The following GLDC variants were observed in gnomAD, a reference collection of about 807,000 sequenced individuals.
GLDC encodes glycine dehydrogenase (decarboxylating), mitochondrial.
In GLDC, 104 loss-of-function variants were observed where a neutral mutation model predicts 121.3. That is an observed-to-expected ratio of 0.86 (90% CI 0.73 to 1.01). The LOEUF (loss-of-function observed/expected upper bound fraction) is 1.01, where lower values mean the gene tolerates loss of function less well. GLDC is among the 50% of genes least tolerant of loss of function. The probability of loss-of-function intolerance (pLI) is 0.00; values close to 1 mark genes in which losing one functional copy is unlikely to be tolerated. For synonymous variants in GLDC, 546 were observed against 480.6 expected, an observed-to-expected ratio of 1.14 and a Z score of -1.78; for missense variants, 1,429 against 1,306.6, an observed-to-expected ratio of 1.09 and a Z score of -1.44.
At chr9:6,566,237 C>T (rs1338945249) in intron 15 of GLDC, among the ~76,000 whole-genome samples, 5 of 152,096 alleles carry the variant, frequency 3.3e-5, no homozygotes, top group Admixed American at 6.5e-5. Flanking sequence ...AGTGAGATCC[C>T]GTCTCAAAAA....
Position 6,603,455 on chromosome 9 carries a change from T to G in GLDC, c.1058+1133A>C, listed in dbSNP as rs181967547. 2.3e-3 allele frequency among the ~76,000 whole-genome samples: 337 copies of G among 149,754 alleles called. 3 individuals are homozygous for G. The highest frequency in any genetic ancestry group is 5.1e-3 in the Admixed American group (77 of 14,996). The stretch of plus-strand genomic sequence containing the variant: ...TGAAACCCTGTTTTTACAAAAAATT[T>G]AAAAAATTAGTTGGACACAGTGGCC... On this transcript the variant is annotated intron_variant, in intron 7 of 24. Transcript: ENST00000321612.
At chr9:6,605,352 G>C in intron 5 of GLDC, 74 bp from the exon 6 acceptor site, 1 of 1,487,024 alleles carries the variant, frequency 6.7e-7, no homozygotes, top group Non-Finnish European at 9.3e-7. Flanking sequence ...TTCTTTTCCA[G>C]TAAGACAGCA....
At chr9:6,639,677 A>G (rs537996862) in intron 2 of GLDC, 3 of 253,278 alleles carry the variant, frequency 1.2e-5, no homozygotes, top group Non-Finnish European at 2.1e-5. Context: ...AAGTATATAT[A>G]TATATATATA....
intron 15 of GLDC, among the ~76,000 whole-genome samples, chr9:6,577,889 G>C (rs1357343673): frequency 6.6e-6 from 1 of 150,918 alleles, no homozygotes; most frequent in African/African-American, 2.4e-5. Context: ...TTTCTCTGTT[G>C]TTTTAGGGTG....
chr9:6,532,816 C>G lies in GLDC; in HGVS notation c.*201G>C. The stretch of plus-strand genomic sequence containing the variant: ...AACTGGCACATGTGGAAGCAGAATA[C>G]CAAAGCAAATCCGTCTTCCAACCAT... On this transcript the variant is annotated 3_prime_UTR_variant, in exon 25 of 25. Transcript: ENST00000321612. 1.7e-6 allele frequency: 1 copy of G among 588,986 alleles called. No homozygotes were observed. Among genetic ancestry groups the G allele is most frequent in the Non-Finnish European group, 3.1e-6 (1 of 327,670 alleles). 36.5% of individuals were successfully genotyped at this position (588,986 alleles called of 1,614,324 possible).
chr9:6,555,325 C>A (rs752542612), intron 18 of GLDC, among the ~76,000 whole-genome samples: 32 of 152,176 alleles, frequency 2.1e-4, no homozygotes, highest in Non-Finnish European at 4.0e-4. Flanking sequence ...GGCATGCCAT[C>A]CCACTAGCCT....
At chr9:6,565,718 T>C (rs1170835060) in intron 15 of GLDC, 2 of 581,060 alleles carry the variant, frequency 3.4e-6, no homozygotes, top group Non-Finnish European at 6.1e-6. Context: ...TAGCCTTTTG[T>C]TATTATGAAA....
intron 8 of GLDC, among the ~76,000 whole-genome samples, chr9:6,596,649 T>C (rs542102628): frequency 2.0e-5 from 3 of 152,306 alleles, no homozygotes; most frequent in East Asian, 1.9e-4. Context: ...ATGCTCAAAA[T>C]CATTAGTTAT....
At chr9:6,567,488 T>C (rs1817876486) in intron 15 of GLDC, 1 of 152,234 alleles carries the variant, frequency 6.6e-6, no homozygotes, top group Admixed American at 6.5e-5. Context: ...CAAGGTCAAA[T>C]GCTTCTCAGC....
chr9:6,604,650 T>C lies in GLDC; in HGVS notation c.996A>G (p.Ala332=), dbSNP rs779908580. 1 of 1,613,896 alleles carries C rather than the reference T, an allele frequency of 6.2e-7. No individual in the cohort carries two copies. Among genetic ancestry groups the C allele is most frequent in the Non-Finnish European group, 8.5e-7 (1 of 1,180,008 alleles). Residue 332 remains alanine, a synonymous_variant, in exon 7 of 25, where the codon GCA becomes GCG. Coordinates refer to ENST00000321612, the MANE Select transcript of GLDC (RefSeq NM_000170.3). ...VPLGYGGPHA[A]FFAVRESLVR... is the part of the protein sequence containing the mutation. ...CCAAGCTTTCTCGGACAGCAAAAAA[T>C]GCTGCATGGGGTCCCCCATAGCCCA...
intron 4 of GLDC, among the ~76,000 whole-genome samples, chr9:6,607,307 G>C (rs1159278272): frequency 1.3e-5 from 2 of 152,100 alleles, no homozygotes; most frequent in Admixed American, 6.5e-5. Flanking sequence ...AACTGGACAG[G>C]TGCGGTGGCT....
intron 6 of GLDC, 40 bp from the exon 7 acceptor site, chr9:6,604,824 T>C (rs1057356182): frequency 6.6e-7 from 1 of 1,521,454 alleles, no homozygotes; most frequent in Non-Finnish European, 9.1e-7. Context: ...GGTTGCTACC[T>C]TTCCCTGAGA....
In GLDC at chr9:6,540,142, A is replaced by G. The variant is rs386833564; in HGVS notation, c.2574T>C (p.Tyr858=). The change falls in exon 22 of 25, where the codon TAT becomes TAC. Residue 858 remains tyrosine (Y), a synonymous_variant. Coordinates refer to ENST00000321612, the MANE Select transcript of GLDC (RefSeq NM_000170.3). ...YRILFRGARG[Y]VGHEFILDTR... ...TGTCCAAAATAAATTCATGACCCAC[A>G]TAACCTGTTCAGGAAAGTTGTTTCA... The G allele has an allele frequency of 5.0e-6, 8 of 1,604,952 alleles. No individual in the cohort carries two copies. Among genetic ancestry groups the G allele is most frequent in the Non-Finnish European group, 6.8e-6 (8 of 1,171,588 alleles).
At chr9:6,577,438 G>C (rs1318710940) in intron 15 of GLDC, among the ~76,000 whole-genome samples, 1 of 152,164 alleles carries the variant, frequency 6.6e-6, no homozygotes, top group East Asian at 1.9e-4. Flanking sequence ...AGCTGATGGA[G>C]GAACCCTCTG....
chr9:6,583,513 A>G (rs1818210574), intron 15 of GLDC, among the ~76,000 whole-genome samples: 1 of 152,142 alleles, frequency 6.6e-6, no homozygotes, highest in African/African-American at 2.4e-5. Flanking sequence ...CTGTCTCTAC[A>G]AAAACTTTTA....
intron 8 of GLDC, among the ~76,000 whole-genome samples, chr9:6,595,676 C>A (rs1045600929): frequency 2.0e-5 from 3 of 152,142 alleles, no homozygotes; most frequent in African/African-American, 4.8e-5. Context: ...AACGGCAATG[C>A]GCACTTCAGC....
intron 6 of GLDC, 153 bp from the exon 7 acceptor site, chr9:6,604,937 C>T: frequency 3.4e-6 from 3 of 872,760 alleles, no homozygotes; most frequent in South Asian, 2.8e-5. Context: ...TAAATACATA[C>T]TGAGTGCCCA....
intron 16 of GLDC, among the ~76,000 whole-genome samples, chr9:6,562,619 G>A (rs564828199): frequency 6.6e-6 from 1 of 152,282 alleles, no homozygotes; most frequent in South Asian, 2.1e-4. Flanking sequence ...GAGTGCAGTG[G>A]TGCGATCTCA....
chr9:6,575,555 C>T (rs1818049029), intron 15 of GLDC, among the ~76,000 whole-genome samples: 1 of 152,216 alleles, frequency 6.6e-6, no homozygotes, highest in Non-Finnish European at 1.5e-5. Flanking sequence ...TTCTGACAGC[C>T]ATTGAGAGCC....
Sources: allele counts gnomAD v4.1 joint callset (sites outside exome capture counted in the v4.1 genomes callset), GRCh38; gene constraint gnomAD v4.1.1; transcripts MANE v1.5; gene names NCBI Gene and HGNC (gene_info 2026-07-23, HGNC 2026-07-21).